Variants in WASF2 observed in about 807,000 individuals in gnomAD.
WASF2 encodes WASP family member 2, also known as actin-binding protein WASF2.
Under a neutral mutation model 45.0 loss-of-function variants are expected in WASF2, and 14 were observed. That is an observed-to-expected ratio of 0.31 (90% confidence interval 0.21 to 0.49). The LOEUF (loss-of-function observed/expected upper bound fraction) is 0.49. WASF2 is among the 20% of genes least tolerant of loss of function. WASF2 has a pLI of 0.99. For synonymous variants in WASF2, 200 were observed against 236.3 expected (o/e 0.85, Z 1.41); for missense variants, 439 against 636.1 (o/e 0.69, Z 3.33).
At chr1:27,485,189 CATTTG>C (rs1458946663) in intron 1 of WASF2, among the ~76,000 whole-genome samples, 2 of 151,930 alleles carry the variant, frequency 1.3e-5, no homozygotes, top group East Asian at 1.9e-4. Context: ...TACAGATCTG[CATTTG>C]ATTTGTTTTT....
intron 1 of WASF2, among the ~76,000 whole-genome samples, chr1:27,448,522 C>G (rs1392100482): frequency 6.6e-6 from 1 of 152,170 alleles, no homozygotes; most frequent in Non-Finnish European, 1.5e-5. Flanking sequence ...GGAAACACTT[C>G]TACTGACAAT....
At chr1:27,488,952 C>T (rs1478987390) in intron 1 of WASF2, among the ~76,000 whole-genome samples, 1 of 152,268 alleles carries the variant, frequency 6.6e-6, no homozygotes, top group African/African-American at 2.4e-5. Flanking sequence ...AGAACATATG[C>T]CTAAGCAAGG....
chr1:27,425,557 G>A (rs2016967075), intron 2 of WASF2, among the ~76,000 whole-genome samples: 1 of 152,172 alleles, frequency 6.6e-6, no homozygotes, highest in Admixed American at 6.5e-5. Context: ...ACAAAAAATT[G>A]GCCAGGCGCA....
chr1:27,422,909 C>G (rs889566446), intron 2 of WASF2, among the ~76,000 whole-genome samples: 1 of 152,036 alleles, frequency 6.6e-6, no homozygotes, highest in Non-Finnish European at 1.5e-5. Context: ...GAGGCCGAGG[C>G]GGGTGGATCA....
At chr1:27,422,073 C>G (rs2016915523) in intron 2 of WASF2, among the ~76,000 whole-genome samples, 1 of 150,894 alleles carries the variant, frequency 6.6e-6, no homozygotes, top group Non-Finnish European at 1.5e-5. Context: ...CACCAAGAGT[C>G]ACCAAGAGTA....
At chr1:27,482,445 G>A (rs1377712390) in intron 1 of WASF2, among the ~76,000 whole-genome samples, 1 of 152,182 alleles carries the variant, frequency 6.6e-6, no homozygotes, top group Non-Finnish European at 1.5e-5. Context: ...ATCCTGACAA[G>A]TTCTGGCAAG....
chr1:27,489,252 G>GCACACACA (rs60315426), intron 1 of WASF2, among the ~76,000 whole-genome samples: 64 of 80,298 alleles, frequency 8.0e-4, no homozygotes, highest in East Asian at 5.8e-3. Context: ...CTGTACGCGC[G>GCACACACA]CACACACACA....
chr1:27,457,398 T>C (rs531482588), intron 1 of WASF2: 2 of 151,960 alleles, frequency 1.3e-5, no homozygotes, highest in East Asian at 2.0e-4. Context: ...CAACATGATA[T>C]AACTCTGCCT....
At chr1:27,432,371 G>A (rs535608872) in intron 1 of WASF2, among the ~76,000 whole-genome samples, 27 of 152,120 alleles carry the variant, frequency 1.8e-4, no homozygotes, top group African/African-American at 6.3e-4. Context: ...GTTATAGGCC[G>A]GGCGCGGTGG....
chr1:27,485,999 C>T (rs1275190792), intron 1 of WASF2, among the ~76,000 whole-genome samples: 6 of 152,332 alleles, frequency 3.9e-5, no homozygotes, highest in South Asian at 2.1e-4. Flanking sequence ...CTTGAGCCAC[C>T]GCACCTGGCC....
At chr1:27,429,043 C>G in intron 1 of WASF2, 110 bp from the exon 2 acceptor site, 1 of 937,074 alleles carries the variant, frequency 1.1e-6, no homozygotes, top group Non-Finnish European at 1.5e-6. Context: ...TCTAAAACAG[C>G]TTTAAAAAAA....
chr1:27,408,447 T>C lies in WASF2; in HGVS notation c.1340-101A>G, dbSNP rs923236315. ...AGTGGCCACCAATGGGTAAGTGGTA[T>C]TGGAAAGGATAGAGAAAAAGAAGGT... is the stretch of plus-strand genomic sequence containing the variant. On this transcript the variant is annotated intron_variant, in intron 8 of 8. Transcript: ENST00000618852. 7 of 1,454,956 alleles carry C rather than the reference T, an allele frequency of 4.8e-6. No homozygotes were observed. In the African/African-American group the frequency reaches 8.6e-5, roughly 18 times the overall value. The allele number at this position is 1,454,956 out of a possible 1,614,324, so 90.1% of individuals were successfully genotyped here. A position where few individuals can be genotyped will look rare whatever the true frequency, so the allele number is the denominator to read the frequency against.
chr1:27,415,148 G>C lies in WASF2; in HGVS notation c.538-185C>G, dbSNP rs568302956. ...AGGCCATCTAATCCAAACCATCCCCGGGTGAAACATTTGCTCAATCCCACA... is the reference window on the plus strand; with the variant it reads ...AGGCCATCTAATCCAAACCATCCCCCGGTGAAACATTTGCTCAATCCCACA... On this transcript the variant is annotated intron_variant, in intron 5 of 8. Coordinates refer to ENST00000618852, the MANE Select transcript of WASF2 (RefSeq NM_006990.5). Among the ~76,000 whole-genome samples the C allele has an allele frequency of 3.3e-5, 5 of 152,198 alleles. 1 individual carries two copies. The South Asian group carries it at 6.2e-4, about 19-fold the overall frequency.
In WASF2 at chr1:27,409,775, G is replaced by T; in HGVS notation, c.1256C>A (p.Pro419Gln). The change falls in exon 8 of 9, where the codon CCG (proline) becomes CAG (glutamine). Residue 419 changes from proline to glutamine, a missense_variant. Around this residue, in one of 5 missense-constraint regions of WASF2, gnomAD observed 286 missense variants for 373.5 expected, o/e 0.77. Transcript: ENST00000618852. ...GADGQPAIPPPLSDTTKPKSS... is the reference protein window; with the variant it reads ...GADGQPAIPPQLSDTTKPKSS... The stretch of plus-strand genomic sequence containing the variant: ...CTTGGGCTTGGTGGTATCAGAAAGC[G>T]GTGGTGGTATAGCAGGCTGGCCATC... The T allele has an allele frequency of 6.5e-7, 1 of 1,549,526 alleles. No homozygotes were observed. Among genetic ancestry groups the T allele is most frequent in the Non-Finnish European group, 8.7e-7 (1 of 1,148,096 alleles).
At chr1:27,461,928 T>G (rs995536446) in intron 1 of WASF2, among the ~76,000 whole-genome samples, 7 of 147,594 alleles carry the variant, frequency 4.7e-5, no homozygotes, top group Non-Finnish European at 9.0e-5. Context: ...TCCCAAAGTG[T>G]GGAGATTACA....
intron 1 of WASF2, among the ~76,000 whole-genome samples, chr1:27,449,195 G>A (rs753696018): frequency 7.2e-5 from 11 of 152,110 alleles, no homozygotes; most frequent in Non-Finnish European, 1.2e-4. Context: ...TAAAATGAGC[G>A]GTTTTTTCAC....
At chr1:27,411,795 G>A (rs538375361) in intron 7 of WASF2, among the ~76,000 whole-genome samples, 9 of 152,316 alleles carry the variant, frequency 5.9e-5, no homozygotes, top group Non-Finnish European at 1.2e-4. Flanking sequence ...CCCGGGAGGC[G>A]GAGCTTGCAG....
At chr1:27,416,143 T>C in intron 4 of WASF2, 41 bp from the exon 5 acceptor site, 2 of 1,551,840 alleles carry the variant, frequency 1.3e-6, no homozygotes, top group South Asian at 2.2e-5. Flanking sequence ...AGTAGACAGA[T>C]GAGCTCCCAA....
In WASF2 at chr1:27,428,949, C is replaced by G. The variant is rs964478862; in HGVS notation, c.-43-16G>C. 5.0e-6 allele frequency: 8 copies of G among 1,598,594 alleles called. No homozygotes were observed. In the African/African-American group the frequency reaches 8.1e-5, roughly 16 times the overall value. On this transcript the variant is annotated splice_polypyrimidine_tract_variant and intron_variant, in intron 1 of 8. Transcript: ENST00000618852. ...GAAAAACAACCTAAAAAAGAAATAA[C>G]AGGAAAGTATTACTCAACCACAAAT...
Sources: allele counts gnomAD v4.1 joint callset (sites outside exome capture counted in the v4.1 genomes callset), GRCh38; gene constraint gnomAD v4.1.1; regional missense constraint gnomAD v4.1.1; transcripts MANE v1.5; gene names NCBI Gene and HGNC (gene_info 2026-07-23, HGNC 2026-07-21).